The following LUZP2 variants were observed in gnomAD, a reference collection of about 807,000 sequenced individuals.
LUZP2 encodes the protein leucine zipper protein 2.
In LUZP2, 52 loss-of-function variants were observed where a neutral mutation model predicts 51.6. That is an observed-to-expected ratio of 1.01 (90% CI 0.81 to 1.27). The LOEUF (loss-of-function observed/expected upper bound fraction) is 1.27. Among genes scored for constraint, LUZP2 ranks in the 50% most tolerant of loss-of-function variants. LUZP2 has a pLI of 0.00. For synonymous variants in LUZP2, 154 were observed against 137.3 expected (o/e 1.12, Z -0.85); for missense variants, 436 against 395.4 (o/e 1.10, Z -0.87).
chr11:24,719,223 C>T (rs1325542955), intron 1 of LUZP2, among the ~76,000 whole-genome samples: 1 of 152,112 alleles, frequency 6.6e-6, no homozygotes, highest in African/African-American at 2.4e-5. Context: ...ATTATATAAA[C>T]ATTCAAATAG....
chr11:24,806,639 G>A (rs995622412), intron 5 of LUZP2, among the ~76,000 whole-genome samples: 1 of 152,108 alleles, frequency 6.6e-6, no homozygotes, highest in African/African-American at 2.4e-5. Context: ...GTGAAATGAG[G>A]TAAGGCAATG....
chr11:24,818,086 A>AG (rs1850238622), intron 5 of LUZP2, among the ~76,000 whole-genome samples: 1 of 152,008 alleles, frequency 6.6e-6, no homozygotes, highest in Middle Eastern at 3.2e-3. Flanking sequence ...CAGCAACTTG[A>AG]TTTTTTTAAA....
chr11:24,521,168 T>C (rs1426641890), intron 1 of LUZP2, among the ~76,000 whole-genome samples: 3 of 152,024 alleles, frequency 2.0e-5, no homozygotes, highest in African/African-American at 4.8e-5. Context: ...TTAGCCAACA[T>C]GGTAAAACCC....
intron 10 of LUZP2, among the ~76,000 whole-genome samples, chr11:25,050,595 A>C (rs1858477746): frequency 6.6e-6 from 1 of 151,966 alleles, no homozygotes; most frequent in East Asian, 1.9e-4. Context: ...TGAGCCACTG[A>C]GCCTGGCCGT....
chr11:24,967,522 G>A (rs544931829), intron 7 of LUZP2, among the ~76,000 whole-genome samples: 4 of 151,530 alleles, frequency 2.6e-5, no homozygotes, highest in East Asian at 1.9e-4. Context: ...ATATGTTGAA[G>A]TGGTTAATAT....
chr11:25,026,584 T>A (rs994785163), intron 9 of LUZP2, among the ~76,000 whole-genome samples: 3 of 152,154 alleles, frequency 2.0e-5, no homozygotes, highest in African/African-American at 4.8e-5. Flanking sequence ...TAGCATTGAC[T>A]AATTAAGGGG....
chr11:24,920,016 A>C (rs374434085), intron 7 of LUZP2, among the ~76,000 whole-genome samples: 1 of 151,812 alleles, frequency 6.6e-6, no homozygotes, highest in Admixed American at 6.6e-5. Flanking sequence ...TATAAAGTAA[A>C]ATGATTATTT....
intron 1 of LUZP2, among the ~76,000 whole-genome samples, chr11:24,662,905 AG>A (rs138334834): frequency 0.036 from 5,545 of 152,172 alleles, 333 homozygotes; most frequent in African/African-American, 0.12. Context: ...TCAAGATACA[AG>A]TGTGAGACAG....
chr11:24,575,383 T>C (rs1350069147), intron 1 of LUZP2, among the ~76,000 whole-genome samples: 1 of 152,150 alleles, frequency 6.6e-6, no homozygotes, highest in Non-Finnish European at 1.5e-5. Context: ...CATTATTTGA[T>C]CTGCATATTT....
At chr11:25,023,806 T>C (rs1857409466) in intron 9 of LUZP2, among the ~76,000 whole-genome samples, 1 of 152,216 alleles carries the variant, frequency 6.6e-6, no homozygotes, top group Non-Finnish European at 1.5e-5. Context: ...CTGCTTTAAA[T>C]GTGTCCCAGA....
At chr11:24,677,244 A>ACT in intron 1 of LUZP2, among the ~76,000 whole-genome samples, 1 of 152,154 alleles carries the variant, frequency 6.6e-6, no homozygotes, top group South Asian at 2.1e-4. Flanking sequence ...CTTATAATCC[A>ACT]TCAAAATCTT....
chr11:24,684,342 T>TC (rs1483216812), intron 1 of LUZP2, among the ~76,000 whole-genome samples: 9 of 152,172 alleles, frequency 5.9e-5, no homozygotes, highest in African/African-American at 2.2e-4. Flanking sequence ...CATCTGAACT[T>TC]CCCTTTACTT....
chr11:24,853,732 C>T (rs1424536593), intron 5 of LUZP2, among the ~76,000 whole-genome samples: 2 of 151,998 alleles, frequency 1.3e-5, no homozygotes, highest in Non-Finnish European at 2.9e-5. Context: ...AGATGTTTTG[C>T]TCTGTTTTTT....
intron 5 of LUZP2, chr11:24,832,079 C>T (rs1417297132): frequency 6.6e-6 from 1 of 152,234 alleles, no homozygotes; most frequent in African/African-American, 2.4e-5. Context: ...AAGTACCTAT[C>T]CCCCAAAACT....
chr11:24,932,772 C>A (rs1293929439), intron 7 of LUZP2, among the ~76,000 whole-genome samples: 1 of 152,198 alleles, frequency 6.6e-6, no homozygotes, highest in Non-Finnish European at 1.5e-5. Flanking sequence ...CGCCTCCCTG[C>A]CTGCCGCAGC....
chr11:24,997,977 G>T (rs1031240793), intron 9 of LUZP2, among the ~76,000 whole-genome samples: 2 of 152,162 alleles, frequency 1.3e-5, no homozygotes, highest in Middle Eastern at 3.4e-3. Flanking sequence ...CCATTGATCT[G>T]TATCTCTGTT....
intron 7 of LUZP2, among the ~76,000 whole-genome samples, chr11:24,918,786 A>T (rs1853891469): frequency 6.7e-6 from 1 of 148,532 alleles, no homozygotes; most frequent in African/African-American, 2.5e-5. Flanking sequence ...TTCCCTTTGT[A>T]TGAATTATAT....
chr11:25,045,290 T>C (rs1216316117), intron 9 of LUZP2, among the ~76,000 whole-genome samples: 1 of 151,456 alleles, frequency 6.6e-6, no homozygotes, highest in Non-Finnish European at 1.5e-5. Context: ...TCAGTATTGG[T>C]ACAAAAACAG....
intron 1 of LUZP2, among the ~76,000 whole-genome samples, chr11:24,567,166 G>A (rs1187357715): frequency 6.6e-6 from 1 of 150,734 alleles, no homozygotes; most frequent in Non-Finnish European, 1.5e-5. Context: ...AAGACACATG[G>A]CAATTTTGTC....
Sources: gnomAD v4.1 joint callset for allele counts (sites outside exome capture counted in the v4.1 genomes callset) on GRCh38, gnomAD v4.1.1 for gene constraint, MANE v1.5 for transcripts, NCBI Gene and HGNC (gene_info 2026-07-23, HGNC 2026-07-21) for gene names.